PCSK5: variants seen among roughly 807,000 people sequenced by gnomAD.
The protein encoded by PCSK5 is proprotein convertase subtilisin/kexin type 5, also known as prohormone convertase 5.
A neutral mutation model predicts 233.2 loss-of-function variants in PCSK5; 129 were observed. The ratio of observed to expected loss-of-function variants is 0.55; its 90% CI spans 0.48 to 0.64. The LOEUF (loss-of-function observed/expected upper bound fraction) is 0.64, where lower values mean the gene tolerates loss of function less well. Ranked by LOEUF, PCSK5 falls within the 30% of genes least tolerant of loss-of-function variation. PCSK5 has a pLI of 0.00. For missense variants in PCSK5, 2,076 were observed against 2,430.1 expected, an observed-to-expected ratio of 0.85 and a Z score of 3.06; for synonymous variants, 825 against 879.2, an observed-to-expected ratio of 0.94 and a Z score of 1.09.
intron 2 of PCSK5, among the ~76,000 whole-genome samples, chr9:75,933,313 A>G: frequency 6.6e-6 from 1 of 152,154 alleles, no homozygotes; most frequent in Non-Finnish European, 1.5e-5. Context: ...AGTAAAGGGG[A>G]AGAGGGCGCA....
At chr9:76,357,657 T>A (rs1442262105) in intron 37 of PCSK5, among the ~76,000 whole-genome samples, 1 of 152,258 alleles carries the variant, frequency 6.6e-6, no homozygotes, top group Non-Finnish European at 1.5e-5. Context: ...CAGAGCCTTT[T>A]GTCCTAATGT....
At chr9:76,206,781 G>A (rs1213387340) in intron 20 of PCSK5, among the ~76,000 whole-genome samples, 2 of 152,194 alleles carry the variant, frequency 1.3e-5, no homozygotes, top group Non-Finnish European at 2.9e-5. Flanking sequence ...CTGCTGACTC[G>A]CCTATACTGA....
chr9:75,931,262 TTTTTTTA>T, intron 1 of PCSK5, among the ~76,000 whole-genome samples: 1 of 151,924 alleles, frequency 6.6e-6, no homozygotes, highest in South Asian at 2.1e-4. Context: ...TTTTTTTTTT[TTTTTTTA>T]AATTAGGAAA....
At chr9:75,898,213 T>C (rs1282776273) in intron 1 of PCSK5, among the ~76,000 whole-genome samples, 2 of 152,216 alleles carry the variant, frequency 1.3e-5, no homozygotes, top group East Asian at 3.9e-4. Context: ...TGTAATATAC[T>C]CAAGTATGTG....
intron 1 of PCSK5, among the ~76,000 whole-genome samples, chr9:75,903,544 ATGTGC>A: frequency 7.9e-6 from 1 of 127,194 alleles, no homozygotes; most frequent in Non-Finnish European, 1.6e-5. Context: ...CTGTATGTGT[ATGTGC>A]ATGTGTGTAT....
chr9:76,106,832 C>G (rs1174528177), intron 8 of PCSK5, among the ~76,000 whole-genome samples: 1 of 152,150 alleles, frequency 6.6e-6, no homozygotes, highest in African/African-American at 2.4e-5. Flanking sequence ...TGTATGTTGC[C>G]AATGCCTGCT....
chr9:76,233,573 C>T lies in PCSK5; in HGVS notation c.2843C>T (p.Thr948Ile), dbSNP rs559828566. 3.1e-6 allele frequency: 5 copies of T among 1,611,190 alleles called. No homozygotes were observed. In the African/African-American group the frequency reaches 6.7e-5, roughly 21 times the overall value. Residue 948 changes from threonine (T) to isoleucine (I), a missense_variant, in exon 22 of 38, where the codon ACC becomes ATC. Physicochemically the swap from Thr to Ile is moderately conservative, Grantham distance 89 (BLOSUM62 -1). This residue lies in a region of PCSK5 where 1,510 missense variants were observed against 1,538.1 expected (regional missense o/e 0.98). Coordinates refer to ENST00000674117, the MANE Select transcript of PCSK5 (RefSeq NM_001372043.1). ...CAGAGATGCCAAGGAAGTGGCCCTA[C>T]CCACTGCACCTCCTGTGGAGCAGGT... The part of the protein sequence containing the change: ...TCQRCQGSGP[T>I]HCTSCGADNY...
chr9:76,201,775 G>A (rs1023514027), intron 20 of PCSK5, among the ~76,000 whole-genome samples: 1 of 152,198 alleles, frequency 6.6e-6, no homozygotes, highest in African/African-American at 2.4e-5. Flanking sequence ...ACAAAGAAAT[G>A]GGGATATGAT....
At chr9:76,113,611 C>T (rs1000682613) in intron 9 of PCSK5, among the ~76,000 whole-genome samples, 2 of 152,058 alleles carry the variant, frequency 1.3e-5, no homozygotes, top group Non-Finnish European at 2.9e-5. Flanking sequence ...AACAAGCCAG[C>T]TCTGAGTTGA....
At chr9:76,248,995 TC>T in intron 24 of PCSK5, among the ~76,000 whole-genome samples, 1 of 152,302 alleles carries the variant, frequency 6.6e-6, no homozygotes, top group African/African-American at 2.4e-5. Flanking sequence ...ACTCCTGGCC[TC>T]AAGCAGTCCT....
At chr9:76,211,492 G>C (rs1825326610) in intron 20 of PCSK5, among the ~76,000 whole-genome samples, 1 of 152,194 alleles carries the variant, frequency 6.6e-6, no homozygotes, top group African/African-American at 2.4e-5. Context: ...TGGTTTGTCT[G>C]ATAGTCAATT....
chr9:75,913,050 A>G (rs183311556), intron 1 of PCSK5, among the ~76,000 whole-genome samples: 69 of 152,294 alleles, frequency 4.5e-4, no homozygotes, highest in African/African-American at 1.6e-3. Context: ...TACTTGTTTC[A>G]AACAACTAGA....
At chr9:76,042,283 C>T (rs1318635785) in intron 5 of PCSK5, among the ~76,000 whole-genome samples, 1 of 152,200 alleles carries the variant, frequency 6.6e-6, no homozygotes, top group African/African-American at 2.4e-5. Flanking sequence ...TCTGATATTC[C>T]AAACTTTTGT....
intron 1 of PCSK5, among the ~76,000 whole-genome samples, chr9:75,924,983 G>A (rs1303632126): frequency 2.0e-5 from 3 of 152,238 alleles, no homozygotes; most frequent in African/African-American, 7.2e-5. Flanking sequence ...CTGTTGTGAG[G>A]CGGCAGTGAA....
intron 27 of PCSK5, among the ~76,000 whole-genome samples, chr9:76,300,418 T>C (rs138955899): frequency 6.6e-6 from 1 of 152,176 alleles, no homozygotes; most frequent in East Asian, 1.9e-4. Context: ...AAAGGAAGCA[T>C]CTGTATCAGC....
intron 3 of PCSK5, among the ~76,000 whole-genome samples, chr9:76,004,596 G>T (rs1178109922): frequency 6.6e-6 from 1 of 152,054 alleles, no homozygotes; most frequent in Admixed American, 6.5e-5. Flanking sequence ...CGAGGTGTTG[G>T]TTTTCTAATT....
chr9:76,152,782 CTTAT>C (rs1209071389), intron 10 of PCSK5, among the ~76,000 whole-genome samples: 6 of 152,172 alleles, frequency 3.9e-5, no homozygotes, highest in Admixed American at 2.0e-4. Context: ...AGCTTTCTAG[CTTAT>C]CTTTAGAATA....
intron 14 of PCSK5, among the ~76,000 whole-genome samples, chr9:76,177,754 T>C (rs905991913): frequency 6.6e-6 from 1 of 152,186 alleles, no homozygotes; most frequent in Non-Finnish European, 1.5e-5. Context: ...ATCTTTGTGG[T>C]TTTTCTGATT....
chr9:76,282,516 C>T (rs996400224), intron 24 of PCSK5, among the ~76,000 whole-genome samples: 5 of 150,552 alleles, frequency 3.3e-5, no homozygotes, highest in Admixed American at 6.6e-5. Flanking sequence ...TAGAGTCTCC[C>T]TATGTTGCCC....
Sources: allele counts gnomAD v4.1 joint callset (sites outside exome capture counted in the v4.1 genomes callset), GRCh38; gene constraint gnomAD v4.1.1; regional missense constraint gnomAD v4.1.1; transcripts MANE v1.5; gene names NCBI Gene and HGNC (gene_info 2026-07-23, HGNC 2026-07-21).